The following CORIN variants were observed in gnomAD, a reference collection of about 807,000 sequenced individuals.
The protein encoded by CORIN is corin, serine peptidase, also known as atrial natriuretic peptide-converting enzyme.
A neutral mutation model predicts 125.3 loss-of-function variants in CORIN; 117 were observed. The ratio of observed to expected loss-of-function variants is 0.93; its 90% CI spans 0.80 to 1.09. The LOEUF is 1.09. Among genes scored for constraint, CORIN ranks in the 50% least tolerant of loss-of-function variants. CORIN has a pLI of 0.00. For missense variants in CORIN, 1,253 were observed against 1,306.7 expected, an observed-to-expected ratio of 0.96 and a Z score of 0.63; for synonymous variants, 450 against 466.4, an observed-to-expected ratio of 0.96 and a Z score of 0.45.
intron 4 of CORIN, among the ~76,000 whole-genome samples, chr4:47,748,743 T>C (rs1560531272): frequency 2.6e-5 from 4 of 152,286 alleles, no homozygotes. Flanking sequence ...AATTATGAAA[T>C]AAGTCATAGC....
chr4:47,736,353 C>T (rs974424504), intron 5 of CORIN, among the ~76,000 whole-genome samples: 2 of 152,144 alleles, frequency 1.3e-5, no homozygotes, highest in Non-Finnish European at 1.5e-5. Context: ...ATGCCCCTGT[C>T]AAGTACAACT....
chr4:47,613,528 A>C (rs542906437), intron 19 of CORIN, among the ~76,000 whole-genome samples: 10 of 152,304 alleles, frequency 6.6e-5, no homozygotes, highest in Non-Finnish European at 1.5e-5. Context: ...TTGCAGCATT[A>C]TTCACAATAG....
chr4:47,659,716 T>C (rs1425582454), intron 12 of CORIN, among the ~76,000 whole-genome samples: 2 of 152,092 alleles, frequency 1.3e-5, no homozygotes, highest in Non-Finnish European at 2.9e-5. Context: ...AGGCCCCAAC[T>C]CCAACACTGG....
chr4:47,837,549 G>A (rs1401588568), intron 1 of CORIN: 1 of 433,828 alleles, frequency 2.3e-6, no homozygotes, highest in Non-Finnish European at 4.2e-6. Context: ...CCGTGCGGAG[G>A]AGGGACTCTG....
chr4:47,744,210 C>T (rs1381951893), intron 5 of CORIN, among the ~76,000 whole-genome samples, 192 bp downstream of exon 5: 1 of 152,004 alleles, frequency 6.6e-6, no homozygotes, highest in Non-Finnish European at 1.5e-5. Flanking sequence ...TGAGATATGA[C>T]AGGCAGCGGG....
At chr4:47,785,909 C>CAAAAA (rs11313881) in intron 3 of CORIN, among the ~76,000 whole-genome samples, 4 of 80,494 alleles carry the variant, frequency 5.0e-5, no homozygotes, top group Non-Finnish European at 2.4e-5. Flanking sequence ...GACTCCATCT[C>CAAAAA]AAAAAAAAAA....
At chr4:47,800,437 T>G (rs1201998611) in intron 2 of CORIN, among the ~76,000 whole-genome samples, 1 of 152,166 alleles carries the variant, frequency 6.6e-6, no homozygotes, top group Admixed American at 6.5e-5. Flanking sequence ...CCTCAAAGCA[T>G]GTGAGCCAAT....
At chr4:47,661,974 A>ATCTTT in intron 11 of CORIN, 118 bp from the exon 12 acceptor site, 1 of 952,716 alleles carries the variant, frequency 1.0e-6, no homozygotes, top group Non-Finnish European at 1.5e-6. Context: ...GGGTGTGTGG[A>ATCTTT]TATAAAAGAT....
chr4:47,631,166 A>C (rs990036267), intron 16 of CORIN, among the ~76,000 whole-genome samples: 1 of 152,202 alleles, frequency 6.6e-6, no homozygotes, highest in Admixed American at 6.5e-5. Flanking sequence ...ACTAGCAAGT[A>C]AGACCCCATC....
chr4:47,699,150 A>C (rs1726171728), intron 5 of CORIN, among the ~76,000 whole-genome samples: 1 of 152,214 alleles, frequency 6.6e-6, no homozygotes, highest in Non-Finnish European at 1.5e-5. Flanking sequence ...CCATCCTTGA[A>C]TATCTAGGAG....
intron 21 of CORIN, among the ~76,000 whole-genome samples, chr4:47,597,967 A>G (rs1306734419): frequency 6.6e-6 from 1 of 152,168 alleles, no homozygotes; most frequent in Non-Finnish European, 1.5e-5. Flanking sequence ...CCAGGTGGAG[A>G]GGAATAAAAA....
At chr4:47,693,549 C>T (rs1725862423) in intron 5 of CORIN, among the ~76,000 whole-genome samples, 1 of 152,060 alleles carries the variant, frequency 6.6e-6, no homozygotes, top group Admixed American at 6.5e-5. Context: ...CAGTAAATAA[C>T]CATTTACTGT....
chr4:47,600,206 C>CTAAG lies in CORIN; in HGVS notation c.2946+7_2946+8insCTTA. On this transcript the variant is annotated splice_region_variant and intron_variant, in intron 21 of 21. Transcript: ENST00000273857. ...CTGAATCTCCTTGGTAACCAGAAAGCAACTTACCATGCATGAATCAACTGT... is the reference window on the plus strand; with the variant it reads ...CTGAATCTCCTTGGTAACCAGAAAGCTAAGAACTTACCATGCATGAATCAACTGT... The CTAAG allele has an allele frequency of 6.2e-7, 1 of 1,602,170 alleles. No homozygotes were observed. The highest frequency in any genetic ancestry group is 8.5e-7 in the Non-Finnish European group (1 of 1,173,226).
At chr4:47,691,094 T>C (rs1278354866) in intron 6 of CORIN, among the ~76,000 whole-genome samples, 1 of 152,190 alleles carries the variant, frequency 6.6e-6, no homozygotes, top group Admixed American at 6.5e-5. Context: ...ACAAGGAAAA[T>C]TAGCCCCTTC....
rs191635467 is a variant in CORIN, at chr4:47,791,851, G to C, written c.209-4926C>G. Among the ~76,000 whole-genome samples, 5 of 152,284 alleles carry C rather than the reference G, an allele frequency of 3.3e-5. No homozygotes were observed. In the East Asian group the frequency reaches 9.6e-4, roughly 29 times the overall value. On this transcript the variant is annotated intron_variant, in intron 2 of 21. Coordinates refer to ENST00000273857, the MANE Select transcript of CORIN (RefSeq NM_006587.4). Reference sequence around the variant, plus strand: ...GTGCCAAGAACTTCATACTTACTCTGCTGAGAACACAATATTTAGTAAGAG... The same window carrying C: ...GTGCCAAGAACTTCATACTTACTCTCCTGAGAACACAATATTTAGTAAGAG...
chr4:47,805,325 T>C (rs1313410752), intron 2 of CORIN, among the ~76,000 whole-genome samples: 1 of 151,964 alleles, frequency 6.6e-6, no homozygotes, highest in Non-Finnish European at 1.5e-5. Flanking sequence ...CATAAATATA[T>C]ACACCCACTA....
At chr4:47,721,068 A>G (rs891163306) in intron 5 of CORIN, among the ~76,000 whole-genome samples, 4 of 152,094 alleles carry the variant, frequency 2.6e-5, no homozygotes, top group Non-Finnish European at 5.9e-5. Flanking sequence ...ATAGTTCTGG[A>G]AGGTGGAAGT....
intron 19 of CORIN, among the ~76,000 whole-genome samples, chr4:47,614,738 C>T (rs1722009175): frequency 6.6e-6 from 1 of 152,060 alleles, no homozygotes; most frequent in Non-Finnish European, 1.5e-5. Flanking sequence ...TACTAAGAAA[C>T]ACCAAGAAGA....
At position 47,680,087 on chromosome 4, in the gene CORIN, C is replaced by T. The variant is rs1725199091; in HGVS notation, c.1132+54G>A. 10 of 1,179,084 alleles carry T rather than the reference C, an allele frequency of 8.5e-6. No homozygotes were observed. The South Asian group carries it at 1.0e-4, about 12-fold the overall frequency. 73.0% of individuals were successfully genotyped at this position (1,179,084 alleles called of 1,614,324 possible). A position where few individuals can be genotyped will look rare whatever the true frequency, so the allele number is the denominator to read the frequency against. On this transcript the variant is annotated intron_variant, in intron 8 of 21. Coordinates refer to ENST00000273857, the MANE Select transcript of CORIN (RefSeq NM_006587.4). ...TACAGTCCTCAACCTTGAGTACAGC[C>T]TAAAGAACCAGAAATGGAAAAATAA...
Sources: allele counts gnomAD v4.1 joint callset (sites outside exome capture counted in the v4.1 genomes callset), GRCh38; gene constraint gnomAD v4.1.1; transcripts MANE v1.5; gene names NCBI Gene and HGNC (gene_info 2026-07-23, HGNC 2026-07-21).